FANK1: variants seen among roughly 807,000 people sequenced by gnomAD.
The protein encoded by FANK1 is fibronectin type 3 and ankyrin repeat domains protein 1.
A neutral mutation model predicts 45.3 loss-of-function variants in FANK1; 44 were observed. The ratio of observed to expected loss-of-function variants is 0.97; its 90% CI spans 0.76 to 1.25. The LOEUF (loss-of-function observed/expected upper bound fraction) is 1.25, where lower values mean the gene tolerates loss of function less well. Ranked by LOEUF, FANK1 falls within the 50% of genes most tolerant of loss-of-function variation. The probability of loss-of-function intolerance (pLI) is 0.00; values close to 1 mark genes in which losing one functional copy is unlikely to be tolerated. For synonymous variants in FANK1, 149 were observed against 152.5 expected, an observed-to-expected ratio of 0.98 and a Z score of 0.17; for missense variants, 391 against 424.4, an observed-to-expected ratio of 0.92 and a Z score of 0.69.
chr10:125,999,783 T>A (rs963760255), intron 6 of FANK1, among the ~76,000 whole-genome samples: 1 of 152,190 alleles, frequency 6.6e-6, no homozygotes, highest in African/African-American at 2.4e-5. Context: ...TGAGTTAATA[T>A]GAAAAATGCG....
intron 1 of FANK1, among the ~76,000 whole-genome samples, chr10:125,948,379 TAAAGAA>T (rs756837789): frequency 2.0e-5 from 3 of 151,196 alleles, no homozygotes; most frequent in Non-Finnish European, 4.4e-5. Context: ...GCAAGACTAA[TAAAGAA>T]AAAGAGAAGA....
Position 125,980,257 on chromosome 10 carries a change from G to C in FANK1, c.110G>C (p.Arg37Pro). 1 of 1,614,126 alleles carries C rather than the reference G, an allele frequency of 6.2e-7. No individual in the cohort carries two copies. The highest frequency in any genetic ancestry group is 8.5e-7 in the Non-Finnish European group (1 of 1,180,034). The change falls in exon 2 of 11, where the codon CGC becomes CCC. Residue 37 changes from arginine (R) to proline (P), a missense_variant. Physicochemically the swap from Arg to Pro is moderately radical, Grantham distance 103. Coordinates refer to ENST00000368693, the MANE Select transcript of FANK1 (RefSeq NM_145235.5). Reference sequence around the variant, plus strand: ...TGGGATCTGGAAAAGAAAGCCAAACGCCAAGGACCTCAAGAGCAGTGGTTC... The same window carrying C: ...TGGGATCTGGAAAAGAAAGCCAAACCCCAAGGACCTCAAGAGCAGTGGTTC... Reference protein sequence around the residue: ...LYWDLEKKAKRQGPQEQWFRF... With the variant: ...LYWDLEKKAKPQGPQEQWFRF...
intron 1 of FANK1, among the ~76,000 whole-genome samples, chr10:125,897,818 T>C (rs909570081): frequency 5.9e-5 from 9 of 152,134 alleles, no homozygotes; most frequent in Non-Finnish European, 1.5e-5. Context: ...TGGCAGGCTG[T>C]GTATATTCCC....
Position 125,947,272 on chromosome 10 carries a change from TTAAATG to T in FANK1, c.14-32882_14-32877del, listed in dbSNP as rs1406092956. Reference sequence around the variant, plus strand: ...AAATTCACACATAACAATATTAACTTTAAATGTAAATGGACTAAATTCTCCAATTAA... The same window carrying T: ...AAATTCACACATAACAATATTAACTTTAAATGGACTAAATTCTCCAATTAA... On this transcript the variant is annotated intron_variant, in intron 1 of 10. Coordinates refer to ENST00000368693, the MANE Select transcript of FANK1 (RefSeq NM_145235.5). Among the ~76,000 whole-genome samples the T allele has an allele frequency of 8.2e-4, 123 of 150,054 alleles. 1 individual carries two copies. The highest frequency in any genetic ancestry group is 2.9e-3 in the African/African-American group (119 of 41,152).
intron 1 of FANK1, among the ~76,000 whole-genome samples, chr10:125,956,205 G>GGC (rs938707278): frequency 6.8e-6 from 1 of 145,986 alleles, no homozygotes; most frequent in Non-Finnish European, 1.5e-5. Flanking sequence ...CATTTTTTGG[G>GGC]GGGGGGGCGG....
intron 1 of FANK1, among the ~76,000 whole-genome samples, chr10:125,943,624 A>G (rs1345458466): frequency 6.6e-6 from 1 of 152,180 alleles, no homozygotes; most frequent in Non-Finnish European, 1.5e-5. Flanking sequence ...TAAATTTTGA[A>G]TGAACTCTCT....
At chr10:125,969,596 A>G (rs973956110) in intron 1 of FANK1, among the ~76,000 whole-genome samples, 1 of 152,214 alleles carries the variant, frequency 6.6e-6, no homozygotes, top group Non-Finnish European at 1.5e-5. Flanking sequence ...AAATAGCAAA[A>G]AAGATCAGCT....
At chr10:126,007,872 A>C (rs903404569) in intron 7 of FANK1, among the ~76,000 whole-genome samples, 1 of 152,234 alleles carries the variant, frequency 6.6e-6, no homozygotes, top group Non-Finnish European at 1.5e-5. Context: ...GATGATCAGG[A>C]AACAGCCATC....
chr10:125,938,528 G>T (rs1404535608), intron 1 of FANK1, among the ~76,000 whole-genome samples: 3 of 152,208 alleles, frequency 2.0e-5, no homozygotes, highest in Non-Finnish European at 2.9e-5. Context: ...TCTGGGGAGT[G>T]GCTGACACGG....
chr10:125,927,976 A>G (rs61870917), intron 1 of FANK1, among the ~76,000 whole-genome samples: 4 of 152,070 alleles, frequency 2.6e-5, no homozygotes, highest in African/African-American at 4.8e-5. Context: ...TGCAGTGGCT[A>G]TATCAGTTTA....
chr10:125,979,774 C>T, intron 1 of FANK1: 1 of 458,886 alleles, frequency 2.2e-6, no homozygotes, highest in Non-Finnish European at 4.4e-6. Flanking sequence ...ATCTATGTTC[C>T]ACATACTTGG....
chr10:125,911,852 A>G (rs1025414907), intron 1 of FANK1, among the ~76,000 whole-genome samples: 5 of 152,156 alleles, frequency 3.3e-5, no homozygotes, highest in African/African-American at 1.2e-4. Context: ...TCTCCACTGC[A>G]TACCTTTGTG....
At chr10:125,965,014 C>T (rs10458781) in intron 1 of FANK1, among the ~76,000 whole-genome samples, 49,421 of 151,996 alleles carry the variant, frequency 0.33, 8,756 homozygotes, top group South Asian at 0.42. Flanking sequence ...CAGAATTAGC[C>T]ATGTGTGGTG....
chr10:125,924,812 A>AT (rs1947228107), intron 1 of FANK1, among the ~76,000 whole-genome samples: 7 of 133,318 alleles, frequency 5.3e-5, no homozygotes, highest in African/African-American at 2.1e-4. Context: ...ATCTCAAAAA[A>AT]AAAAAAAAAA....
At chr10:125,898,867 A>G (rs928632911) in intron 1 of FANK1, among the ~76,000 whole-genome samples, 4 of 150,968 alleles carry the variant, frequency 2.6e-5, no homozygotes, top group African/African-American at 9.7e-5. Context: ...ATTTTAAATA[A>G]TTCAATCACC....
chr10:125,952,441 G>C (rs1004744965), intron 1 of FANK1, among the ~76,000 whole-genome samples: 1 of 152,116 alleles, frequency 6.6e-6, no homozygotes, highest in South Asian at 2.1e-4. Flanking sequence ...AATTTATAGT[G>C]TGCAGATTTC....
chr10:125,900,534 C>T (rs1168406479), intron 1 of FANK1, among the ~76,000 whole-genome samples: 2 of 152,094 alleles, frequency 1.3e-5, no homozygotes, highest in African/African-American at 4.8e-5. Flanking sequence ...CCCCCCGGCT[C>T]CCACTTGGTG....
At chr10:125,905,901 T>C (rs1945465740) in intron 1 of FANK1, among the ~76,000 whole-genome samples, 1 of 152,310 alleles carries the variant, frequency 6.6e-6, no homozygotes, top group African/African-American at 2.4e-5. Context: ...CCCAAGAGAA[T>C]ACAATTACAA....
chr10:125,918,623 A>G (rs1422730479), intron 1 of FANK1, among the ~76,000 whole-genome samples: 4 of 137,314 alleles, frequency 2.9e-5, no homozygotes, highest in African/African-American at 1.1e-4. Flanking sequence ...TATATACTTT[A>G]CCATGATAAA....
Sources: allele counts gnomAD v4.1 joint callset (sites outside exome capture counted in the v4.1 genomes callset), GRCh38; gene constraint gnomAD v4.1.1; transcripts MANE v1.5; gene names NCBI Gene and HGNC (gene_info 2026-07-23, HGNC 2026-07-21).